The following RAG1 variants were observed in gnomAD, a reference collection of about 807,000 sequenced individuals.
RAG1 encodes V(D)J recombination-activating protein 1.
A neutral mutation model predicts 62.7 loss-of-function variants in RAG1; 35 were observed. The observed-to-expected ratio is 0.56, with a 90% CI of 0.43 to 0.74. The LOEUF (loss-of-function observed/expected upper bound fraction) is 0.74. RAG1 is among the 30% of genes least tolerant of loss of function. The pLI, the probability that RAG1 is intolerant of heterozygous loss-of-function variation, is 0.00. For synonymous variants in RAG1, 461 were observed against 470.3 expected (o/e 0.98, Z 0.26); for missense variants, 1,169 against 1,278.6 (o/e 0.91, Z 1.31).
At chr11:36,536,187 T>C (rs549587386), downstream of RAG1, among the ~76,000 whole-genome samples, 1 of 152,272 alleles carries the variant, frequency 6.6e-6, no homozygotes, top group East Asian at 1.9e-4. Context: ...CTTAAAAAAA[T>C]CTAATGAAAT....
rs191602277 is a variant in RAG1 at position 36,512,629 on chromosome 11, G to T, written n.330+1591G>T. On this transcript the variant is annotated intron_variant and non_coding_transcript_variant, in intron 1 of 2. Coordinates refer to the RAG1 transcript ENST00000529126. ...CAGAGCTGTTATGAGTTCAAATGAG[G>T]TCATATGGAAAGATACCTTGCAAAC... 3.3e-4 allele frequency among the ~76,000 whole-genome samples: 50 copies of T among 152,264 alleles called. 1 individual carries two copies. Among genetic ancestry groups the T allele is most frequent in the Admixed American group, 2.9e-3 (45 of 15,300 alleles).
chr11:36,522,775 C>T lies in RAG1; in HGVS notation n.428+2546C>T, dbSNP rs187262857. Among the ~76,000 whole-genome samples the T allele has an allele frequency of 2.3e-3, 344 of 152,338 alleles. 2 individuals carry two copies. Among genetic ancestry groups the T allele is most frequent in the African/African-American group, 8.0e-3 (332 of 41,570 alleles). On this transcript the variant is annotated intron_variant and non_coding_transcript_variant, in intron 2 of 2. Coordinates refer to the RAG1 transcript ENST00000529126. Reference sequence around the variant, plus strand: ...GCCACAGGGGCAGAGCTGCCTAAGACCATGAGTACCCACCTCTTGCATCAG... The same window carrying T: ...GCCACAGGGGCAGAGCTGCCTAAGATCATGAGTACCCACCTCTTGCATCAG...
chr11:36,540,846 C>G (rs150562529), downstream of RAG1, among the ~76,000 whole-genome samples: 438 of 152,306 alleles, frequency 2.9e-3, 1 homozygote, highest in Non-Finnish European at 3.7e-3. Flanking sequence ...AGATTCGTCT[C>G]TCCATTTTTT....
chr11:36,513,375 C>T (rs1171290630), intron 1 of RAG1, among the ~76,000 whole-genome samples: 1 of 152,148 alleles, frequency 6.6e-6, no homozygotes, highest in African/African-American at 2.4e-5. Flanking sequence ...TTTTACACAG[C>T]TGAAGGTAGA....
At chr11:36,518,766 C>G (rs1017626495) in intron 1 of RAG1, among the ~76,000 whole-genome samples, 9 of 152,144 alleles carry the variant, frequency 5.9e-5, no homozygotes, top group Non-Finnish European at 1.3e-4. Flanking sequence ...GAGTAGATTG[C>G]AAAAATTTTC....
rs1179093710 is a variant in RAG1 at position 36,574,624 on chromosome 11, G to A, written c.1320G>A (p.Leu440=). The A allele has an allele frequency of 3.1e-6, 5 of 1,614,116 alleles. No individual in the cohort carries two copies. The highest frequency in any genetic ancestry group is 1.1e-5 in the South Asian group (1 of 91,086). The change falls in exon 2 of 2, where the codon CTG becomes CTA. Residue 440 remains leucine, a synonymous_variant. Coordinates refer to ENST00000299440, the MANE Select transcript of RAG1 (RefSeq NM_000448.3). ...VKSVCMTLFL[L]ALRARNEHRQ... is the part of the protein sequence containing the mutation. ...CCGTGTGCATGACCTTGTTCCTGCT[G>A]GCTCTGAGGGCGAGGAATGAGCACA...
Position 36,573,329 on chromosome 11 carries a change from T to C in RAG1, c.25T>C (p.Leu9=). 1 of 1,614,200 alleles carries C rather than the reference T, an allele frequency of 6.2e-7. No homozygotes were observed. The highest frequency in any genetic ancestry group is 8.5e-7 in the Non-Finnish European group (1 of 1,180,012). ...CATGGCAGCCTCTTTCCCACCCACC[T>C]TGGGACTCAGTTCTGCCCCAGATGA... MAASFPPT[L]GLSSAPDEIQ... The change falls in exon 2 of 2, where the codon TTG becomes CTG. Residue 9 remains leucine (L), a synonymous_variant. Coordinates refer to ENST00000299440, the MANE Select transcript of RAG1 (RefSeq NM_000448.3).
intron 2 of RAG1, among the ~76,000 whole-genome samples, chr11:36,529,884 T>A (rs926258545): frequency 1.2e-4 from 18 of 152,028 alleles, no homozygotes; most frequent in Non-Finnish European, 2.6e-4. Flanking sequence ...CGGAAAAGAT[T>A]GTGTACAATT....
chr11:36,510,606 C>A (rs1859903554), upstream of RAG1: 1 of 152,162 alleles, frequency 6.6e-6, no homozygotes, highest in Non-Finnish European at 1.5e-5. Flanking sequence ...CAGGAGAAAA[C>A]CCCAGCTGGG....
downstream of RAG1, among the ~76,000 whole-genome samples, chr11:36,539,883 C>T (rs546049193): frequency 6.6e-6 from 1 of 152,332 alleles, no homozygotes; most frequent in South Asian, 2.1e-4. Flanking sequence ...TTCATTTGGT[C>T]TTCTATGAAT....
chr11:36,518,429 A>G (rs967603550), intron 1 of RAG1, among the ~76,000 whole-genome samples: 3 of 152,226 alleles, frequency 2.0e-5, no homozygotes, highest in Admixed American at 2.0e-4. Context: ...GACTTCCACT[A>G]TAGTTGAACT....
At chr11:36,535,317 T>C (rs1036613328) in intron 2 of RAG1, among the ~76,000 whole-genome samples, 1 of 152,158 alleles carries the variant, frequency 6.6e-6, no homozygotes, top group South Asian at 2.1e-4. Context: ...GGATGTAAAG[T>C]CTGAAATATA....
Position 36,576,502 on chromosome 11 carries a change from C to T in RAG1, c.*66C>T, listed in dbSNP as rs776410041. The T allele has an allele frequency of 2.5e-5, 39 of 1,570,812 alleles. No homozygotes were observed. The highest frequency in any genetic ancestry group is 3.3e-5 in the Admixed American group (2 of 59,864). Reference sequence around the variant, plus strand: ...TCCCTCTGGGTTGCATTGAGGGCTTCTCCTAGCACCCTTTACTGCTGTGTA... The same window carrying T: ...TCCCTCTGGGTTGCATTGAGGGCTTTTCCTAGCACCCTTTACTGCTGTGTA... On this transcript the variant is annotated 3_prime_UTR_variant, in exon 2 of 2. Transcript: ENST00000299440.
At chr11:36,566,269 C>G (rs1850660415), upstream of RAG1, among the ~76,000 whole-genome samples, 1 of 152,276 alleles carries the variant, frequency 6.6e-6, no homozygotes, top group East Asian at 1.9e-4. Flanking sequence ...AACCAACCAA[C>G]TCTGTTCACC....
intron 3 of RAG1, among the ~76,000 whole-genome samples, chr11:36,559,819 G>A (rs1165006797): frequency 2.0e-5 from 3 of 152,106 alleles, no homozygotes; most frequent in African/African-American, 7.2e-5. Context: ...GTATCTTGCT[G>A]AGTTTTCTTA....
chr11:36,542,655 G>A (rs929678776), intron 3 of RAG1, among the ~76,000 whole-genome samples: 1 of 152,190 alleles, frequency 6.6e-6, no homozygotes, highest in African/African-American at 2.4e-5. Context: ...AGTGAGAGGA[G>A]AATTGGGAGT....
chr11:36,570,223 A>C (rs1180914109), intron 1 of RAG1, among the ~76,000 whole-genome samples: 1 of 152,210 alleles, frequency 6.6e-6, no homozygotes, highest in East Asian at 1.9e-4. Context: ...AAAATTTTAA[A>C]GATATTGCTA....
At chr11:36,517,023 G>T (rs1483467705) in intron 1 of RAG1, among the ~76,000 whole-genome samples, 2 of 152,186 alleles carry the variant, frequency 1.3e-5, no homozygotes, top group Non-Finnish European at 2.9e-5. Flanking sequence ...GCTAGGTGTG[G>T]AGGCTCTCGC....
intron 1 of RAG1, chr11:36,515,469 T>G (rs908545487): frequency 6.6e-6 from 1 of 152,178 alleles, no homozygotes; most frequent in East Asian, 1.9e-4. Flanking sequence ...CAGCAGTTAA[T>G]GAAGCCAAAG....
Sources: allele counts gnomAD v4.1 joint callset (sites outside exome capture counted in the v4.1 genomes callset), GRCh38; gene constraint gnomAD v4.1.1; transcripts MANE v1.5; gene names NCBI Gene and HGNC (gene_info 2026-07-23, HGNC 2026-07-21).